DNAJC3: variants seen among roughly 807,000 people sequenced by gnomAD.
The protein encoded by DNAJC3 is dnaJ homolog subfamily C member 3.
Under a neutral mutation model 68.6 loss-of-function variants are expected in DNAJC3, and 38 were observed. The ratio of observed to expected loss-of-function variants is 0.55; its 90% CI spans 0.43 to 0.73. The LOEUF is 0.73. Among genes scored for constraint, DNAJC3 ranks in the 30% least tolerant of loss-of-function variants. DNAJC3 has a pLI of 0.00. For synonymous variants in DNAJC3, 203 were observed against 204.0 expected (o/e 1.00, Z 0.04); for missense variants, 526 against 591.9 (o/e 0.89, Z 1.16).
At chr13:95,786,687 G>T (rs1401471134) in intron 10 of DNAJC3, among the ~76,000 whole-genome samples, 1 of 152,106 alleles carries the variant, frequency 6.6e-6, no homozygotes, top group Non-Finnish European at 1.5e-5. Flanking sequence ...TTAATACCAA[G>T]AATTGAATTA....
At chr13:95,783,349 T>C (rs964947892) in intron 9 of DNAJC3, among the ~76,000 whole-genome samples, 4 of 152,182 alleles carry the variant, frequency 2.6e-5, no homozygotes, top group African/African-American at 9.6e-5. Context: ...AAAGACTGCT[T>C]TGGGGAGATA....
chr13:95,790,780 A>AG, intron 11 of DNAJC3, 93 bp from the exon 12 acceptor site: 2 of 1,394,500 alleles, frequency 1.4e-6, no homozygotes, highest in Non-Finnish European at 2.0e-6. Context: ...TAGCTCCTCA[A>AG]GCCCACCCAC....
At chr13:95,706,281 A>G (rs1179391220) in intron 1 of DNAJC3, among the ~76,000 whole-genome samples, 4 of 152,210 alleles carry the variant, frequency 2.6e-5, no homozygotes, top group Admixed American at 2.6e-4. Context: ...TGGCCCATCC[A>G]TTAATGGGCA....
rs187795005 is a variant in DNAJC3 at position 95,682,519 on chromosome 13, G to C, written c.82+5182G>C. Among the ~76,000 whole-genome samples, 33 of 152,110 alleles carry C rather than the reference G, an allele frequency of 2.2e-4. No individual in the cohort carries two copies. In the East Asian group the frequency reaches 3.7e-3, roughly 17 times the overall value. ...TTATTTTCTGCTCTCCAAAATATAA[G>C]ATATTCTAATACTAATTTCAGTGAA... On this transcript the variant is annotated intron_variant, in intron 1 of 11. Coordinates refer to ENST00000602402, the MANE Select transcript of DNAJC3 (RefSeq NM_006260.5).
chr13:95,709,672 C>G (rs1050665507), intron 2 of DNAJC3, among the ~76,000 whole-genome samples: 1 of 129,108 alleles, frequency 7.7e-6, no homozygotes, highest in East Asian at 2.3e-4. Flanking sequence ...CTCGCTCTGT[C>G]GCTGTCGCCC....
chr13:95,704,240 AC>A (rs1412367232), intron 1 of DNAJC3, among the ~76,000 whole-genome samples: 2 of 152,182 alleles, frequency 1.3e-5, no homozygotes, highest in Non-Finnish European at 2.9e-5. Flanking sequence ...AGGACTAGAA[AC>A]AGAAATTTTG....
chr13:95,791,104 GA>G lies in DNAJC3; in HGVS notation c.*82del. 12 of 1,552,136 alleles carry G rather than the reference GA, an allele frequency of 7.7e-6. No individual in the cohort carries two copies. Among genetic ancestry groups the G allele is most frequent in the Middle Eastern group, 1.8e-4 (1 of 5,536 alleles). On this transcript the variant is annotated 3_prime_UTR_variant, in exon 12 of 12. Transcript: ENST00000602402. ...AGAAATCTTGTTCCGGGACCCTAATGAAAAAAAATTTCAAATCTTTTCAGTT... is the reference window on the plus strand; with the variant it reads ...AGAAATCTTGTTCCGGGACCCTAATGAAAAAAATTTCAAATCTTTTCAGTT...
At chr13:95,683,552 A>C (rs529206691) in intron 1 of DNAJC3, among the ~76,000 whole-genome samples, 1 of 152,174 alleles carries the variant, frequency 6.6e-6, no homozygotes, top group Non-Finnish European at 1.5e-5. Context: ...CCATGATTGT[A>C]AATTTCCTGA....
chr13:95,733,928 G>A (rs559436389), intron 4 of DNAJC3, among the ~76,000 whole-genome samples: 1 of 152,138 alleles, frequency 6.6e-6, no homozygotes, highest in African/African-American at 2.4e-5. Flanking sequence ...CCTTTAAGGG[G>A]AAAATTTAAT....
chr13:95,780,324 T>G (rs891668393), intron 9 of DNAJC3, among the ~76,000 whole-genome samples: 2 of 152,216 alleles, frequency 1.3e-5, no homozygotes, highest in Non-Finnish European at 2.9e-5. Flanking sequence ...TCCCTCTCAC[T>G]GTATTCTCTT....
intron 1 of DNAJC3, among the ~76,000 whole-genome samples, chr13:95,685,925 A>G (rs1032609752): frequency 6.6e-6 from 1 of 150,512 alleles, no homozygotes; most frequent in Non-Finnish European, 1.5e-5. Flanking sequence ...GGCTGCTTGT[A>G]TGTCTTCTTT....
chr13:95,753,054 T>C (rs1209193820), intron 4 of DNAJC3, among the ~76,000 whole-genome samples: 1 of 152,210 alleles, frequency 6.6e-6, no homozygotes, highest in African/African-American at 2.4e-5. Context: ...GTTCTAGTTA[T>C]CCAACTATTT....
At chr13:95,761,256 A>C (rs1216755508) in intron 7 of DNAJC3, among the ~76,000 whole-genome samples, 1 of 152,166 alleles carries the variant, frequency 6.6e-6, no homozygotes, top group Admixed American at 6.6e-5. Flanking sequence ...AAGGAGTAAA[A>C]GAGGAGCTTT....
intron 1 of DNAJC3, among the ~76,000 whole-genome samples, chr13:95,680,744 A>G (rs1284359430): frequency 6.6e-6 from 1 of 151,488 alleles, no homozygotes; most frequent in African/African-American, 2.4e-5. Context: ...ATTTTCCCAT[A>G]TGAAGTTAAT....
At chr13:95,757,213 C>T (rs185881860) in intron 4 of DNAJC3, among the ~76,000 whole-genome samples, 77 of 152,036 alleles carry the variant, frequency 5.1e-4, no homozygotes, top group Non-Finnish European at 8.8e-4. Flanking sequence ...CTTTCAGTTT[C>T]CCTATGTGTT....
chr13:95,744,845 T>C (rs1348300533), intron 4 of DNAJC3: 1 of 152,210 alleles, frequency 6.6e-6, no homozygotes, highest in African/African-American at 2.4e-5. Context: ...AATGAAGAGA[T>C]GAATGTTAAA....
intron 6 of DNAJC3, 45 bp from the exon 7 acceptor site, chr13:95,760,634 A>AG: frequency 6.4e-7 from 1 of 1,561,424 alleles, no homozygotes. Context: ...CTACTCATTG[A>AG]TTGTTTTGAC....
chr13:95,748,033 T>C lies in DNAJC3; in HGVS notation c.394-9611T>C, dbSNP rs576236773. On this transcript the variant is annotated intron_variant, in intron 4 of 11. Transcript: ENST00000602402. ...TTGTAATCTGTGAATTCTTCCCTTT[T>C]ATCTCAAATCCAACATACTTTCCTA... 1.1e-4 allele frequency among the ~76,000 whole-genome samples: 16 copies of C among 152,354 alleles called. No individual in the cohort carries two copies. The South Asian group carries it at 1.9e-3, about 18-fold the overall frequency.
chr13:95,735,137 A>T (rs1459448953), intron 4 of DNAJC3, among the ~76,000 whole-genome samples: 1 of 149,666 alleles, frequency 6.7e-6, no homozygotes, highest in Non-Finnish European at 1.5e-5. Context: ...ATGTCCCTAC[A>T]AAGGACATGA....
Sources: gnomAD v4.1 joint callset for allele counts (sites outside exome capture counted in the v4.1 genomes callset) on GRCh38, gnomAD v4.1.1 for gene constraint, MANE v1.5 for transcripts, NCBI Gene and HGNC (gene_info 2026-07-23, HGNC 2026-07-21) for gene names.